Variants in TBC1D19 observed in about 807,000 individuals in gnomAD.
The protein encoded by TBC1D19 is TBC1 domain family member 19.
In TBC1D19, 60 loss-of-function variants were observed where a neutral mutation model predicts 89.0. The observed-to-expected ratio is 0.67, with a 90% CI of 0.55 to 0.84. The LOEUF is 0.84. Among genes scored for constraint, TBC1D19 ranks in the 40% least tolerant of loss-of-function variants. The pLI is 0.00. For missense variants in TBC1D19, 500 were observed against 610.8 expected, an observed-to-expected ratio of 0.82 and a Z score of 1.91; for synonymous variants, 189 against 199.7, an observed-to-expected ratio of 0.95 and a Z score of 0.45.
At chr4:26,735,057 T>TATGTATACAC (rs1252652435) in intron 15 of TBC1D19, among the ~76,000 whole-genome samples, 2 of 150,314 alleles carry the variant, frequency 1.3e-5, no homozygotes, top group African/African-American at 2.5e-5. Context: ...CACATGTATA[T>TATGTATACAC]ATGTATATAT....
chr4:26,705,932 A>G (rs1307913971), intron 13 of TBC1D19, among the ~76,000 whole-genome samples: 1 of 151,978 alleles, frequency 6.6e-6, no homozygotes, highest in Non-Finnish European at 1.5e-5. Context: ...GGATCTCCCT[A>G]TGTTGCCCAG....
At chr4:26,698,054 A>C (rs1215504708) in intron 13 of TBC1D19, among the ~76,000 whole-genome samples, 1 of 152,184 alleles carries the variant, frequency 6.6e-6, no homozygotes, top group Non-Finnish European at 1.5e-5. Context: ...TTCAATTAGG[A>C]AAAGAGGAAG....
intron 3 of TBC1D19, among the ~76,000 whole-genome samples, chr4:26,616,670 C>T (rs1005488258): frequency 6.4e-4 from 98 of 152,200 alleles, no homozygotes; most frequent in African/African-American, 2.2e-3. Context: ...CAGCACACTT[C>T]GTTTTACTTG....
the TBC1D19 span, among the ~76,000 whole-genome samples, chr4:26,829,113 G>A: frequency 6.6e-6 from 1 of 152,218 alleles, no homozygotes; most frequent in Non-Finnish European, 1.5e-5. Context: ...GTAATTAGAA[G>A]GAGCTCACTT....
intron 19 of TBC1D19, among the ~76,000 whole-genome samples, chr4:26,752,025 C>T (rs997464011): frequency 1.3e-5 from 2 of 152,262 alleles, no homozygotes; most frequent in East Asian, 1.9e-4. Context: ...ATTGGCTTTA[C>T]TATTTTCTAC....
chr4:26,748,351 T>C, intron 18 of TBC1D19, 60 bp from the exon 19 acceptor site: 1 of 1,215,662 alleles, frequency 8.2e-7, no homozygotes, highest in Non-Finnish European at 1.2e-6. Flanking sequence ...CTTCTGATAT[T>C]GCATTTTCAT....
chr4:26,831,426 CAAAA>C, the TBC1D19 span, among the ~76,000 whole-genome samples: 1 of 151,866 alleles, frequency 6.6e-6, no homozygotes, highest in African/African-American at 2.4e-5. Context: ...TAAAAAGAAA[CAAAA>C]AAGGCAGCTG....
chr4:26,807,827 G>T, the TBC1D19 span, among the ~76,000 whole-genome samples: 1 of 152,174 alleles, frequency 6.6e-6, no homozygotes, highest in Non-Finnish European at 1.5e-5. Flanking sequence ...CATTACAGTT[G>T]ATCTTACTGA....
At chr4:26,780,623 G>A in the TBC1D19 span, among the ~76,000 whole-genome samples, 1 of 152,314 alleles carries the variant, frequency 6.6e-6, no homozygotes, top group South Asian at 2.1e-4. Flanking sequence ...TACCCACAGT[G>A]CAATCTGTTT....
chr4:26,628,560 A>C (rs571171421), intron 4 of TBC1D19, among the ~76,000 whole-genome samples: 2 of 152,242 alleles, frequency 1.3e-5, no homozygotes, highest in East Asian at 1.9e-4. Flanking sequence ...GAAAAGAGGA[A>C]GTCAAATTGT....
intron 12 of TBC1D19, among the ~76,000 whole-genome samples, chr4:26,684,518 G>A (rs1042233337): frequency 2.0e-5 from 3 of 152,140 alleles, no homozygotes; most frequent in Non-Finnish European, 2.9e-5. Flanking sequence ...CTCAGGTTAC[G>A]TGACCTTCAA....
intron 13 of TBC1D19, among the ~76,000 whole-genome samples, chr4:26,698,256 T>C (rs1456396509): frequency 2.6e-5 from 4 of 152,122 alleles, no homozygotes; most frequent in African/African-American, 9.7e-5. Context: ...TGAACTCCCA[T>C]TCACAATTGC....
intron 1 of TBC1D19, among the ~76,000 whole-genome samples, chr4:26,600,243 C>A (rs2109979498): frequency 6.6e-6 from 1 of 152,230 alleles, no homozygotes; most frequent in East Asian, 1.9e-4. Flanking sequence ...AAGTCAAGAA[C>A]CCTGATTACA....
At chr4:26,579,608 C>T (rs774484700), upstream of TBC1D19, among the ~76,000 whole-genome samples, 14 of 151,904 alleles carry the variant, frequency 9.2e-5, no homozygotes, top group East Asian at 7.7e-4. Context: ...CCATCATCTA[C>T]GTTTTAAGCC....
the TBC1D19 span, among the ~76,000 whole-genome samples, chr4:26,767,760 A>G: frequency 1.3e-5 from 2 of 152,198 alleles, no homozygotes; most frequent in Non-Finnish European, 2.9e-5. Context: ...GATTAAGACA[A>G]TGGAGTAACC....
chr4:26,834,898 T>C, the TBC1D19 span, among the ~76,000 whole-genome samples: 2 of 152,206 alleles, frequency 1.3e-5, no homozygotes, highest in African/African-American at 4.8e-5. Flanking sequence ...GCTATCATGC[T>C]TTCTACTCAG....
chr4:26,595,910 C>T lies in TBC1D19; in HGVS notation c.99+11618C>T, dbSNP rs534174446. Among the ~76,000 whole-genome samples, 3 of 152,138 alleles carry T rather than the reference C, an allele frequency of 2.0e-5. No homozygotes were observed. In the East Asian group the frequency reaches 5.8e-4, roughly 29 times the overall value. The stretch of plus-strand genomic sequence containing the variant: ...TGAATTCTCCAACTTTGTTGTACTT[C>T]AGTATTGTGTTAGCAAGATTTTTAA... On this transcript the variant is annotated intron_variant, in intron 1 of 20. Coordinates refer to ENST00000264866, the MANE Select transcript of TBC1D19 (RefSeq NM_018317.4).
upstream of TBC1D19, among the ~76,000 whole-genome samples, chr4:26,582,518 T>C (rs532074949): frequency 2.4e-4 from 37 of 152,340 alleles, no homozygotes; most frequent in African/African-American, 8.9e-4. Flanking sequence ...GGGACTGTTA[T>C]GGTAGTGCTC....
chr4:26,609,013 G>A (rs1445532134), intron 1 of TBC1D19, among the ~76,000 whole-genome samples: 1 of 127,672 alleles, frequency 7.8e-6, no homozygotes, highest in African/African-American at 2.9e-5. Flanking sequence ...AGAACACATG[G>A]ACACAGGAAG....
Sources: allele counts gnomAD v4.1 joint callset (sites outside exome capture counted in the v4.1 genomes callset), GRCh38; gene constraint gnomAD v4.1.1; transcripts MANE v1.5; gene names NCBI Gene and HGNC (gene_info 2026-07-23, HGNC 2026-07-21).